Variants in CADM1 observed in about 807,000 individuals in gnomAD.
The protein encoded by CADM1 is cell adhesion molecule 1, also known as TSLC-1.
In CADM1, 15 loss-of-function variants were observed where a neutral mutation model predicts 53.1. The ratio of observed to expected loss-of-function variants is 0.28; its 90% CI spans 0.19 to 0.44. The LOEUF (loss-of-function observed/expected upper bound fraction) is 0.44, where lower values mean the gene tolerates loss of function less well. Ranked by LOEUF, CADM1 falls within the 20% of genes least tolerant of loss-of-function variation. CADM1 has a pLI of 1.00. For missense variants in CADM1, 434 were observed against 611.3 expected (o/e 0.71, Z 3.06); for synonymous variants, 281 against 243.0 (o/e 1.16, Z -1.45).
intron 1 of CADM1, among the ~76,000 whole-genome samples, chr11:115,435,115 C>T (rs1207479168): frequency 6.6e-6 from 1 of 151,854 alleles, no homozygotes; most frequent in African/African-American, 2.4e-5. Flanking sequence ...CCCACCTCGG[C>T]CCCCGAAAGT....
Position 115,229,173 on chromosome 11 carries a change from G to C in CADM1, c.661C>G (p.Gln221Glu). 6.2e-7 allele frequency: 1 copy of C among 1,614,100 alleles called. No homozygotes were observed. Among genetic ancestry groups the C allele is most frequent in the Non-Finnish European group, 8.5e-7 (1 of 1,179,992 alleles). The change falls in exon 5 of 12, where the codon CAG becomes GAG. Residue 221 changes from glutamine (Q) to glutamate (E), a missense_variant. This residue lies in a region of CADM1 where 311 missense variants were observed against 435.1 expected (regional missense o/e 0.71). Coordinates refer to ENST00000331581, the MANE Select transcript of CADM1 (RefSeq NM_001301043.2). ...KEDDGVPVICQVEHPAVTGNL... is the reference protein window; with the variant it reads ...KEDDGVPVICEVEHPAVTGNL... ...CCAGTGACCGCAGGGTGCTCCACCT[G>C]GCAGATCACTGGGACCCCATCGTCC...
At chr11:115,211,605 G>A (rs1047485726) in intron 7 of CADM1, among the ~76,000 whole-genome samples, 4 of 147,136 alleles carry the variant, frequency 2.7e-5, no homozygotes, top group African/African-American at 7.5e-5. Flanking sequence ...TCAGCCTCCC[G>A]AGTAGCTGGG....
chr11:115,209,691 A>C (rs748466360), intron 7 of CADM1, 34 bp from the exon 8 acceptor site: 8 of 1,610,688 alleles, frequency 5.0e-6, no homozygotes, highest in Non-Finnish European at 6.8e-6. Context: ...TCAAACCCAC[A>C]ATGCTGAACA....
intron 1 of CADM1, among the ~76,000 whole-genome samples, chr11:115,502,646 C>A (rs77340638): frequency 0.043 from 6,475 of 152,178 alleles, 184 homozygotes; most frequent in Non-Finnish European, 0.067. Flanking sequence ...AAACCCTCAG[C>A]GCTGGAATTG....
intron 1 of CADM1, among the ~76,000 whole-genome samples, chr11:115,418,446 CA>C (rs1947665284): frequency 6.6e-6 from 1 of 152,080 alleles, no homozygotes; most frequent in Admixed American, 6.5e-5. Flanking sequence ...TACAGGCTTC[CA>C]AAAAAATTCT....
chr11:115,495,026 T>G (rs1173150365), intron 1 of CADM1, among the ~76,000 whole-genome samples: 1 of 152,194 alleles, frequency 6.6e-6, no homozygotes, highest in African/African-American at 2.4e-5. Flanking sequence ...CACAATGAAG[T>G]TTGCTCACAA....
intron 1 of CADM1, among the ~76,000 whole-genome samples, chr11:115,331,115 C>T (rs1021728718): frequency 6.6e-6 from 1 of 152,070 alleles, no homozygotes; most frequent in Admixed American, 6.6e-5. Context: ...CTAGAATGGG[C>T]TCAGTGCCTG....
intron 1 of CADM1, among the ~76,000 whole-genome samples, chr11:115,244,090 T>TA (rs1344405751): frequency 6.6e-6 from 1 of 152,340 alleles, no homozygotes; most frequent in East Asian, 1.9e-4. Flanking sequence ...TTCCTAAAAA[T>TA]AAAACTATGG....
chr11:115,382,739 A>T (rs1421726906), intron 1 of CADM1, among the ~76,000 whole-genome samples: 1 of 152,220 alleles, frequency 6.6e-6, no homozygotes, highest in Non-Finnish European at 1.5e-5. Flanking sequence ...CAGCCAAATC[A>T]CTCAAGACAC....
At chr11:115,267,167 A>G (rs1025315931) in intron 1 of CADM1, among the ~76,000 whole-genome samples, 6 of 152,246 alleles carry the variant, frequency 3.9e-5, no homozygotes, top group Admixed American at 3.9e-4. Context: ...CCAAACAAGA[A>G]AGTTCAAAGC....
chr11:115,470,860 T>TA (rs770924880), intron 1 of CADM1, among the ~76,000 whole-genome samples: 24 of 152,320 alleles, frequency 1.6e-4, no homozygotes, highest in African/African-American at 5.5e-4. Context: ...CCCAATTTTT[T>TA]ATCAGGAAAC....
chr11:115,234,628 C>G (rs1701882359), intron 3 of CADM1, among the ~76,000 whole-genome samples: 1 of 152,108 alleles, frequency 6.6e-6, no homozygotes, highest in African/African-American at 2.4e-5. Flanking sequence ...TGAAGTGGCT[C>G]ACGCCTGTAA....
intron 1 of CADM1, among the ~76,000 whole-genome samples, chr11:115,254,322 G>A (rs945439926): frequency 3.3e-5 from 5 of 152,072 alleles, no homozygotes; most frequent in African/African-American, 7.2e-5. Flanking sequence ...GACTTATTAA[G>A]TATCATCCAT....
At chr11:115,184,930 C>T (rs537918868) in intron 10 of CADM1, among the ~76,000 whole-genome samples, 6 of 152,304 alleles carry the variant, frequency 3.9e-5, no homozygotes, top group African/African-American at 7.2e-5. Context: ...GAACAGGGGA[C>T]GAGCTAGGAG....
intron 5 of CADM1, among the ~76,000 whole-genome samples, chr11:115,225,164 G>A (rs1298320354): frequency 2.0e-5 from 3 of 152,062 alleles, no homozygotes; most frequent in Admixed American, 6.6e-5. Context: ...CTTCATTCCC[G>A]GCAACGTTCC....
rs1336015683 is a variant in CADM1 at position 115,173,899 on chromosome 11, AAC to A, written c.*2573_*2574del. 1.0e-6 allele frequency: 1 copy of A among 970,836 alleles called. No individual in the cohort carries two copies. The highest frequency in any genetic ancestry group is 1.2e-6 in the Non-Finnish European group (1 of 816,802). 60.1% of individuals were successfully genotyped at this position (970,836 alleles called of 1,614,324 possible). A position where few individuals can be genotyped will look rare whatever the true frequency, so the allele number is the denominator to read the frequency against. On this transcript the variant is annotated 3_prime_UTR_variant, in exon 12 of 12. Transcript: ENST00000331581. ...TTCATTATTTTATATTCCTTTAAAA[AAC>A]ACAAAAAACAAGTTTGTTCTTTCTT...
chr11:115,180,138 C>T (rs1486255914), intron 10 of CADM1, among the ~76,000 whole-genome samples: 3 of 152,152 alleles, frequency 2.0e-5, no homozygotes, highest in Non-Finnish European at 4.4e-5. Flanking sequence ...TGATACAACG[C>T]TTTCAGCAGG....
intron 1 of CADM1, among the ~76,000 whole-genome samples, chr11:115,298,861 G>T (rs1276528282): frequency 6.6e-6 from 1 of 152,108 alleles, no homozygotes; most frequent in Non-Finnish European, 1.5e-5. Flanking sequence ...GGTTCTCTCT[G>T]CACTAGCTTT....
intron 1 of CADM1, chr11:115,377,868 A>G (rs1946478426): frequency 6.6e-6 from 1 of 152,180 alleles, no homozygotes; most frequent in Admixed American, 6.6e-5. Context: ...AAGAGAAAAA[A>G]ACTTCTCAAA....
Sources: allele counts gnomAD v4.1 joint callset (sites outside exome capture counted in the v4.1 genomes callset), GRCh38; gene constraint gnomAD v4.1.1; regional missense constraint gnomAD v4.1.1; transcripts MANE v1.5; gene names NCBI Gene and HGNC (gene_info 2026-07-23, HGNC 2026-07-21).